The following CYP4F12 variants were observed in gnomAD, a reference collection of about 807,000 sequenced individuals.
CYP4F12 encodes the protein cytochrome P450 4F12.
A neutral mutation model predicts 56.5 loss-of-function variants in CYP4F12; 60 were observed. The observed-to-expected ratio is 1.06, with a 90% CI of 0.86 to 1.32. The LOEUF is 1.32. CYP4F12 is among the 40% of genes most tolerant of loss of function. The pLI, the probability that CYP4F12 is intolerant of heterozygous loss-of-function variation, is 0.00. For synonymous variants in CYP4F12, 263 were observed against 264.9 expected, an observed-to-expected ratio of 0.99 and a Z score of 0.07; for missense variants, 711 against 683.5, an observed-to-expected ratio of 1.04 and a Z score of -0.45.
intron 9 of CYP4F12, among the ~76,000 whole-genome samples, chr19:15,689,143 A>AATAATAATAATAATAATAATC (rs146012868): frequency 4.2e-4 from 64 of 150,762 alleles, no homozygotes; most frequent in African/African-American, 1.6e-3. Flanking sequence ...TAATAATAAT[A>AATAATAATAATAATAATAATC]ATAGCCGACT....
At chr19:15,678,205 A>C in intron 2 of CYP4F12, 56 bp from the exon 3 acceptor site, 1 of 1,608,742 alleles carries the variant, frequency 6.2e-7, no homozygotes, top group Non-Finnish European at 8.5e-7. Context: ...AGCCCAGTCT[A>C]GTGGACACCT....
intron 2 of CYP4F12, among the ~76,000 whole-genome samples, chr19:15,675,106 G>A (rs1387481428): frequency 6.6e-6 from 1 of 152,154 alleles, no homozygotes; most frequent in East Asian, 1.9e-4. Flanking sequence ...GGGACAATGT[G>A]CTCTTCCCCA....
chr19:15,687,710 C>T (rs11085972), intron 9 of CYP4F12, among the ~76,000 whole-genome samples: 42,495 of 152,026 alleles, frequency 0.28, 6,855 homozygotes, highest in East Asian at 0.7. Flanking sequence ...ATCTGAAAAT[C>T]CAGACCACAG....
chr19:15,674,884 C>G (rs1204026842), intron 2 of CYP4F12, among the ~76,000 whole-genome samples: 1 of 152,180 alleles, frequency 6.6e-6, no homozygotes, highest in African/African-American at 2.4e-5. Flanking sequence ...CAGAGCAGGG[C>G]TCTCCTGGCA....
chr19:15,679,848 C>T, intron 3 of CYP4F12, among the ~76,000 whole-genome samples: 1 of 152,326 alleles, frequency 6.6e-6, no homozygotes, highest in East Asian at 1.9e-4. Flanking sequence ...TGGGGCCTGT[C>T]TGTGGGGTAC....
intron 5 of CYP4F12, chr19:15,682,091 G>A (rs575612786): frequency 4.3e-4 from 121 of 280,528 alleles, no homozygotes; most frequent in Middle Eastern, 2.6e-3. Context: ...CACCTTGACC[G>A]TTATTGAATA....
At chr19:15,689,258 A>AC (rs1233665445) in intron 9 of CYP4F12, among the ~76,000 whole-genome samples, 11 of 152,074 alleles carry the variant, frequency 7.2e-5, no homozygotes, top group Non-Finnish European at 1.5e-4. Flanking sequence ...AGCAAGGAAA[A>AC]AAAACAAACA....
At chr19:15,677,080 C>G in intron 2 of CYP4F12, among the ~76,000 whole-genome samples, 1 of 142,156 alleles carries the variant, frequency 7.0e-6, no homozygotes, top group Non-Finnish European at 1.6e-5. Context: ...TCCTCACTCA[C>G]TCATTCCTCT....
chr19:15,685,015 G>T, intron 8 of CYP4F12, 53 bp from the exon 9 acceptor site: 1 of 1,595,596 alleles, frequency 6.3e-7, no homozygotes, highest in South Asian at 1.1e-5. Context: ...CTCAATATCT[G>T]GGCGCTGTCC....
In CYP4F12 at chr19:15,696,970, T is replaced by A; in HGVS notation, c.1460T>A (p.Leu487Gln). 1 of 1,614,206 alleles carries A rather than the reference T, an allele frequency of 6.2e-7. No individual in the cohort carries two copies. The highest frequency in any genetic ancestry group is 8.5e-7 in the Non-Finnish European group (1 of 1,180,024). ...EMKVVLALMLLHFRFLPDHTE... is the reference protein window; with the variant it reads ...EMKVVLALMLQHFRFLPDHTE... ...AAAGTGGTCCTGGCGTTGATGCTGC[T>A]GCACTTCCGGTTCCTGCCAGACCAC... Residue 487 changes from leucine (L) to glutamine (Q), a missense_variant, in exon 13 of 13, where the codon CTG becomes CAG. By Grantham distance (113) the Leu-to-Gln change is moderately radical. Coordinates refer to ENST00000550308, the MANE Select transcript of CYP4F12 (RefSeq NM_023944.4).
chr19:15,677,306 G>C (rs181137047), intron 2 of CYP4F12, among the ~76,000 whole-genome samples: 26 of 5,762 alleles, frequency 4.5e-3, no homozygotes, highest in Admixed American at 9.4e-3. Context: ...TCATTCCTCT[G>C]CTCACTTAGT....
intron 7 of CYP4F12, 111 bp from the exon 8 acceptor site, chr19:15,684,705 G>A (rs1599971694): frequency 3.7e-6 from 4 of 1,095,116 alleles, no homozygotes; most frequent in Non-Finnish European, 5.3e-6. Context: ...GAAGATCAGA[G>A]CTTCAGAGAT....
intron 9 of CYP4F12, among the ~76,000 whole-genome samples, chr19:15,690,674 G>A (rs879817219): frequency 1.3e-5 from 2 of 152,184 alleles, no homozygotes; most frequent in Admixed American, 1.3e-4. Context: ...TTTTAAGGCT[G>A]ACTAGCATTC....
Position 15,696,425 on chromosome 19 carries a change from T to C in CYP4F12, c.1315-5T>C, listed in dbSNP as rs199619253. ...ACTGGCAAACCTTCTTTGTCTCACC[T>C]GCAGGTCTACGACCCCTTCCGCTTT... On this transcript the variant is annotated splice_polypyrimidine_tract_variant and splice_region_variant and intron_variant, in intron 11 of 12. Coordinates refer to ENST00000550308, the MANE Select transcript of CYP4F12 (RefSeq NM_023944.4). 1,613 of 1,614,160 alleles carry C rather than the reference T, an allele frequency of 1.0e-3. 3 individuals carry two copies. The highest frequency in any genetic ancestry group is 1.3e-3 in the Non-Finnish European group (1,521 of 1,180,020).
chr19:15,689,114 C>T (rs1475047932), intron 9 of CYP4F12, among the ~76,000 whole-genome samples: 2 of 99,534 alleles, frequency 2.0e-5, no homozygotes, highest in African/African-American at 9.4e-5. Flanking sequence ...AACTAAAAAG[C>T]TTCTGCACAA....
intron 4 of CYP4F12, 28 bp downstream of exon 4, chr19:15,680,325 G>A (rs2007217328): frequency 6.2e-7 from 1 of 1,613,216 alleles, no homozygotes; most frequent in Non-Finnish European, 8.5e-7. Flanking sequence ...AAAGGGGTTG[G>A]GGACAACCTT....
At chr19:15,692,284 C>T (rs627971) in intron 9 of CYP4F12, among the ~76,000 whole-genome samples, 86,756 of 151,988 alleles carry the variant, frequency 0.57, 25,106 homozygotes, top group East Asian at 0.71. Context: ...AAATCAACCC[C>T]TGCAAACATT....
At chr19:15,678,547 C>T (rs2007112390) in intron 3 of CYP4F12, 142 bp downstream of exon 3, 2 of 1,194,006 alleles carry the variant, frequency 1.7e-6, no homozygotes, top group Admixed American at 2.3e-5. Flanking sequence ...CCATCTGCTC[C>T]CTGTCTTGGT....
chr19:15,679,737 G>A (rs677139), intron 3 of CYP4F12, among the ~76,000 whole-genome samples: 3,747 of 152,168 alleles, frequency 0.025, 15 homozygotes, highest in African/African-American at 0.086. Context: ...TAGTCTCCCT[G>A]AGCCAGGTTT....
Sources: allele counts gnomAD v4.1 joint callset (sites outside exome capture counted in the v4.1 genomes callset), GRCh38; gene constraint gnomAD v4.1.1; transcripts MANE v1.5; gene names NCBI Gene and HGNC (gene_info 2026-07-23, HGNC 2026-07-21).